SLCO1B3: variants seen among roughly 807,000 people sequenced by gnomAD.
SLCO1B3 encodes liver-specific organic anion transporter 2.
In SLCO1B3, 72 loss-of-function variants were observed where a neutral mutation model predicts 71.8. That is an observed-to-expected ratio of 1.00 (90% CI 0.83 to 1.22). The LOEUF (loss-of-function observed/expected upper bound fraction) is 1.22, where lower values mean the gene tolerates loss of function less well. Ranked by LOEUF, SLCO1B3 falls within the 50% of genes most tolerant of loss-of-function variation. The probability of loss-of-function intolerance (pLI) is 0.00; values close to 1 mark genes in which losing one functional copy is unlikely to be tolerated. For missense variants in SLCO1B3, 911 were observed against 819.7 expected, an observed-to-expected ratio of 1.11 and a Z score of -1.36; for synonymous variants, 298 against 278.4, an observed-to-expected ratio of 1.07 and a Z score of -0.70.
intron 3 of SLCO1B3, among the ~76,000 whole-genome samples, chr12:20,850,032 CTT>C (rs71043207): frequency 0.02 from 2,713 of 134,116 alleles, 87 homozygotes; most frequent in African/African-American, 0.068. Context: ...TCCCAACAGC[CTT>C]TTTTTTTTTT....
chr12:20,814,724 A>C (rs1166980498), intron 2 of SLCO1B3, among the ~76,000 whole-genome samples: 2 of 152,010 alleles, frequency 1.3e-5, no homozygotes, highest in Non-Finnish European at 2.9e-5. Flanking sequence ...CCCTGTCTCT[A>C]CTAAAAATAC....
intron 3 of SLCO1B3, among the ~76,000 whole-genome samples, chr12:20,830,433 T>G (rs908545411): frequency 5.9e-5 from 9 of 152,118 alleles, no homozygotes; most frequent in Non-Finnish European, 1.2e-4. Flanking sequence ...CAATTCTGAA[T>G]CCACAGGTTG....
intron 3 of SLCO1B3, among the ~76,000 whole-genome samples, chr12:20,844,315 C>T (rs1231452934): frequency 6.6e-6 from 1 of 151,872 alleles, no homozygotes. Flanking sequence ...CCGTGTAATC[C>T]CAGCACTTTG....
chr12:20,813,448 G>A (rs1864140403), intron 1 of SLCO1B3, 76 bp from the exon 2 acceptor site: 1 of 152,198 alleles, frequency 6.6e-6, no homozygotes, highest in Admixed American at 6.5e-5. Context: ...GTGGAACAAA[G>A]TGAAGCTCTG....
At chr12:20,883,342 A>G in intron 12 of SLCO1B3, 76 bp from the exon 13 acceptor site, 2 of 824,748 alleles carry the variant, frequency 2.4e-6, no homozygotes. Flanking sequence ...AGACTTCTTT[A>G]AATATAATGG....
chr12:20,867,322 C>A (rs1865392089), intron 8 of SLCO1B3, among the ~76,000 whole-genome samples: 3 of 152,180 alleles, frequency 2.0e-5, no homozygotes, highest in African/African-American at 7.2e-5. Context: ...GCCACAAAAG[C>A]CTTCAAACAG....
chr12:20,908,302 C>T (rs1268278072), intron 15 of SLCO1B3, among the ~76,000 whole-genome samples: 1 of 152,200 alleles, frequency 6.6e-6, no homozygotes, highest in African/African-American at 2.4e-5. Context: ...CTCCCGCATA[C>T]ATGCATAGCC....
At position 20,916,742 on chromosome 12, in the gene SLCO1B3, A is replaced by T. The variant is rs1447725343; in HGVS notation, c.*495A>T. The T allele has an allele frequency of 1.3e-5, 2 of 152,176 alleles. No individual in the cohort carries two copies. Among genetic ancestry groups the T allele is most frequent in the Non-Finnish European group, 2.9e-5 (2 of 68,030 alleles). 9.4% of individuals were successfully genotyped at this position (152,176 alleles called of 1,614,324 possible). A position where few individuals can be genotyped will look rare whatever the true frequency, so the allele number is the denominator to read the frequency against. On this transcript the variant is annotated 3_prime_UTR_variant, in exon 16 of 16. Coordinates refer to ENST00000381545, the MANE Select transcript of SLCO1B3 (RefSeq NM_019844.4). ...AATTTGAATTTGTGTTTGACTAACAACCTCGATGGATCTTCTTCCAACCTC... is the reference window on the plus strand; with the variant it reads ...AATTTGAATTTGTGTTTGACTAACATCCTCGATGGATCTTCTTCCAACCTC...
intron 14 of SLCO1B3, 53 bp from the exon 15 acceptor site, chr12:20,901,297 G>A (rs1334726846): frequency 9.0e-7 from 1 of 1,115,770 alleles, no homozygotes; most frequent in African/African-American, 1.6e-5. Flanking sequence ...CTATCGCTCA[G>A]TTACATTTGA....
chr12:20,907,083 A>G (rs1462548240), intron 15 of SLCO1B3, among the ~76,000 whole-genome samples: 2 of 152,194 alleles, frequency 1.3e-5, no homozygotes, highest in Admixed American at 1.3e-4. Context: ...TGGTATATTC[A>G]CATATATATT....
chr12:20,815,296 T>C (rs1864173596), intron 2 of SLCO1B3, among the ~76,000 whole-genome samples: 1 of 152,162 alleles, frequency 6.6e-6, no homozygotes, highest in Admixed American at 6.5e-5. Flanking sequence ...TATAAACTTA[T>C]AAGGATAACG....
chr12:20,893,227 T>C (rs1865937640), intron 13 of SLCO1B3, among the ~76,000 whole-genome samples: 1 of 152,120 alleles, frequency 6.6e-6, no homozygotes, highest in African/African-American at 2.4e-5. Context: ...GTGGAAGACT[T>C]TCCAGAAAAG....
chr12:20,835,365 A>C (rs898405528), intron 3 of SLCO1B3, among the ~76,000 whole-genome samples: 1 of 152,162 alleles, frequency 6.6e-6, no homozygotes, highest in Non-Finnish European at 1.5e-5. Context: ...GCCTGCTTGA[A>C]TATCCCCCCA....
At chr12:20,838,794 T>C (rs1000997937) in intron 3 of SLCO1B3, among the ~76,000 whole-genome samples, 3 of 152,120 alleles carry the variant, frequency 2.0e-5, no homozygotes, top group Non-Finnish European at 2.9e-5. Context: ...ATGTGGTACA[T>C]GATTGTAGTT....
At chr12:20,831,419 C>T (rs7971337) in intron 3 of SLCO1B3, among the ~76,000 whole-genome samples, 4 of 147,360 alleles carry the variant, frequency 2.7e-5, no homozygotes, top group African/African-American at 1.0e-4. Flanking sequence ...ATCATCGAAA[C>T]CATTGCTAAA....
chr12:20,907,418 C>A (rs567827205), intron 15 of SLCO1B3, among the ~76,000 whole-genome samples: 1 of 113,342 alleles, frequency 8.8e-6, no homozygotes, highest in African/African-American at 2.7e-5. Context: ...TTCCTTCCTT[C>A]CCTTCCTTTC....
intron 3 of SLCO1B3, among the ~76,000 whole-genome samples, chr12:20,841,904 A>T (rs1202351618): frequency 3.0e-4 from 27 of 90,694 alleles, no homozygotes; most frequent in Non-Finnish European, 4.1e-4. Context: ...TTTTTTTTTG[A>T]GACAGAGTCT....
chr12:20,904,839 T>C lies in SLCO1B3; in HGVS notation c.1865+3372T>C, dbSNP rs180699430. Among the ~76,000 whole-genome samples the C allele has an allele frequency of 4.2e-3, 554 of 133,214 alleles. 6 individuals carry two copies. The highest frequency in any genetic ancestry group is 0.032 in the Middle Eastern group (7 of 220). 87.4% of individuals were successfully genotyped at this position (133,214 alleles called of 152,430 possible). A position where few individuals can be genotyped will look rare whatever the true frequency, so the allele number is the denominator to read the frequency against. On this transcript the variant is annotated intron_variant, in intron 15 of 15. Coordinates refer to ENST00000381545, the MANE Select transcript of SLCO1B3 (RefSeq NM_019844.4). ...CCCAGGCTGGAGTGCAGTGGCATGA[T>C]CTCAGCTTCCCGTAACCACCGCCTC...
At chr12:20,836,387 T>C (rs1235532115) in intron 3 of SLCO1B3, among the ~76,000 whole-genome samples, 1 of 152,244 alleles carries the variant, frequency 6.6e-6, no homozygotes, top group Non-Finnish European at 1.5e-5. Flanking sequence ...TCGTGTATTA[T>C]TGAATTTTTT....
Sources: gnomAD v4.1 joint callset for allele counts (sites outside exome capture counted in the v4.1 genomes callset) on GRCh38, gnomAD v4.1.1 for gene constraint, MANE v1.5 for transcripts, NCBI Gene and HGNC (gene_info 2026-07-23, HGNC 2026-07-21) for gene names.